DIAPH2: variants seen among roughly 807,000 people sequenced by gnomAD.
DIAPH2 encodes diaphanous related formin 2.
In DIAPH2, 35 loss-of-function variants were observed where a neutral mutation model predicts 92.7. The ratio of observed to expected loss-of-function variants is 0.38; its 90% CI spans 0.29 to 0.50. DIAPH2 has a LOEUF of 0.50. Among genes scored for constraint, DIAPH2 ranks in the 20% least tolerant of loss-of-function variants. DIAPH2 has a pLI of 0.94. For missense variants in DIAPH2, 701 were observed against 819.5 expected, an observed-to-expected ratio of 0.86 and a Z score of 1.77; for synonymous variants, 301 against 280.4, an observed-to-expected ratio of 1.07 and a Z score of -0.73.
intron 26 of DIAPH2, among the ~76,000 whole-genome samples, chrX:97,540,305 TCTGGTTTCC>T (rs990252449): frequency 8.9e-6 from 1 of 111,892 alleles, no homozygotes; most frequent in African/African-American, 3.2e-5. Flanking sequence ...TTTACCTTTG[TCTGGTTTCC>T]CTTCCCACCC....
intron 23 of DIAPH2, among the ~76,000 whole-genome samples, chrX:97,318,140 T>C (rs763808609): frequency 8.1e-5 from 9 of 111,665 alleles, no homozygotes; most frequent in African/African-American, 2.9e-4. Flanking sequence ...CTATCCTTTT[T>C]TGTTTGTTTG....
chrX:97,391,468 A>G (rs968075521), intron 25 of DIAPH2, among the ~76,000 whole-genome samples: 1 of 112,019 alleles, frequency 8.9e-6, no homozygotes, highest in Non-Finnish European at 1.9e-5. Flanking sequence ...GGTATGTAAT[A>G]TATAGTACAT....
At chrX:97,193,261 G>A (rs781692602) in intron 22 of DIAPH2, among the ~76,000 whole-genome samples, 2 of 110,269 alleles carry the variant, frequency 1.8e-5, no homozygotes, top group African/African-American at 3.3e-5. Context: ...CAATCCTCCC[G>A]CCTCAGTCTC....
At chrX:96,715,488 A>G (rs1299977040) in intron 1 of DIAPH2, among the ~76,000 whole-genome samples, 1 of 111,471 alleles carries the variant, frequency 9.0e-6, no homozygotes, top group Non-Finnish European at 1.9e-5. Flanking sequence ...CACTCTAGGG[A>G]CACTTGTTGC....
At chrX:97,228,272 A>G (rs2067981575) in intron 22 of DIAPH2, among the ~76,000 whole-genome samples, 1 of 111,418 alleles carries the variant, frequency 9.0e-6, no homozygotes, top group African/African-American at 3.3e-5. Flanking sequence ...CACGCAGCAA[A>G]TCTTAGGGGG....
intron 17 of DIAPH2, among the ~76,000 whole-genome samples, chrX:97,043,901 T>G (rs1380139678): frequency 1.8e-5 from 2 of 112,286 alleles, no homozygotes; most frequent in African/African-American, 6.5e-5. Flanking sequence ...TGCTTTCTGA[T>G]CATGTATTGG....
intron 26 of DIAPH2, among the ~76,000 whole-genome samples, chrX:97,514,409 T>A (rs1219987032): frequency 8.9e-6 from 1 of 112,169 alleles, no homozygotes; most frequent in African/African-American, 3.2e-5. Flanking sequence ...TTATACATTC[T>A]TCTAAATTTT....
At chrX:97,503,669 GAA>G (rs1244397454) in intron 26 of DIAPH2, among the ~76,000 whole-genome samples, 2 of 111,755 alleles carry the variant, frequency 1.8e-5, no homozygotes, top group Admixed American at 1.9e-4. Flanking sequence ...CCTAAATGGG[GAA>G]AAGAGGACCT....
rs1204237328 is a variant in DIAPH2 at position 97,242,785 on chromosome X, A to AT, written c.2720-4927dup. Among the ~76,000 whole-genome samples the AT allele has an allele frequency of 4.2e-4, 46 of 108,939 alleles. No homozygotes were observed. In the East Asian group the frequency reaches 4.6e-3, roughly 11 times the overall value. 94.6% of individuals were successfully genotyped at this position (108,939 alleles called of 115,157 possible). ...CCACTGCAAATTTTTATTTTATTTT[A>AT]TTTATTTATTTATTTTTTTGAGGTG... On this transcript the variant is annotated intron_variant, in intron 22 of 26. Transcript: ENST00000324765.
At chrX:97,276,423 C>T (rs988643436) in intron 23 of DIAPH2, among the ~76,000 whole-genome samples, 11 of 111,769 alleles carry the variant, frequency 9.8e-5, no homozygotes, top group Non-Finnish European at 1.9e-4. Flanking sequence ...TAAGTCACCG[C>T]AGTGAGTTCC....
At chrX:96,969,822 G>A (rs1602675685) in intron 17 of DIAPH2, among the ~76,000 whole-genome samples, 1 of 111,430 alleles carries the variant, frequency 9.0e-6, no homozygotes, top group East Asian at 2.8e-4. Context: ...GTTCTCAAGG[G>A]GAGTGCTTCC....
intron 5 of DIAPH2, among the ~76,000 whole-genome samples, chrX:96,900,048 A>C (rs2065382018): frequency 8.9e-6 from 1 of 111,738 alleles, no homozygotes; most frequent in Non-Finnish European, 1.9e-5. Context: ...GCGTATATTG[A>C]ACCAGCCTGT....
intron 9 of DIAPH2, among the ~76,000 whole-genome samples, chrX:96,922,643 G>A (rs753227261): frequency 1.8e-5 from 2 of 111,441 alleles, no homozygotes; most frequent in South Asian, 3.7e-4. Context: ...CTTTTTCATT[G>A]TGGTCCTAAC....
At chrX:97,022,939 C>T (rs1269067521) in intron 17 of DIAPH2, among the ~76,000 whole-genome samples, 3 of 111,252 alleles carry the variant, frequency 2.7e-5, no homozygotes, top group South Asian at 3.8e-4. Context: ...GTCCTAGCTA[C>T]TTGGGAGGCT....
chrX:97,004,289 A>G (rs1371240678), intron 17 of DIAPH2, among the ~76,000 whole-genome samples: 1 of 111,458 alleles, frequency 9.0e-6, no homozygotes, highest in Admixed American at 9.5e-5. Context: ...GTGGTTCCAT[A>G]AAAGTTGTAG....
In DIAPH2 at chrX:96,730,414, C is replaced by T. The variant is rs141623004; in HGVS notation, c.133-5344C>T. 8.1e-3 allele frequency among the ~76,000 whole-genome samples: 894 copies of T among 111,043 alleles called. 7 individuals carry two copies. The highest frequency in any genetic ancestry group is 0.028 in the African/African-American group (863 of 30,504). ...TTGGCCTTGAGTTGTTTGGATTGGC[C>T]TTACTGGTTTTTAAAGTTCAGGAGT... On this transcript the variant is annotated intron_variant, in intron 1 of 26. Transcript: ENST00000324765.
At chrX:96,930,871 C>G in intron 10 of DIAPH2, 28 bp downstream of exon 10, 1 of 1,138,061 alleles carries the variant, frequency 8.8e-7, no homozygotes, top group Non-Finnish European at 1.2e-6. Context: ...ATTTATTATG[C>G]TGATGAATTT....
intron 26 of DIAPH2, among the ~76,000 whole-genome samples, chrX:97,447,189 G>A (rs926487295): frequency 1.7e-4 from 18 of 107,409 alleles, no homozygotes; most frequent in Non-Finnish European, 2.9e-4. Context: ...TTTTTCTTCC[G>A]TCTGCTGCTT....
At chrX:97,180,498 C>T (rs192584579) in intron 22 of DIAPH2, among the ~76,000 whole-genome samples, 1,451 of 111,747 alleles carry the variant, frequency 0.013, 25 homozygotes, top group African/African-American at 0.045. Flanking sequence ...TGCAGAAGCT[C>T]TTTAGTTTAA....
Sources: gnomAD v4.1 joint callset for allele counts (sites outside exome capture counted in the v4.1 genomes callset) on GRCh38, gnomAD v4.1.1 for gene constraint, MANE v1.5 for transcripts, NCBI Gene and HGNC (gene_info 2026-07-23, HGNC 2026-07-21) for gene names.